Variants in USP7 observed in about 807,000 individuals in gnomAD.
The protein encoded by USP7 is ubiquitin specific peptidase 7.
A neutral mutation model predicts 162.9 loss-of-function variants in USP7; 9 were observed. The observed-to-expected ratio is 0.06, with a 90% CI of 0.03 to 0.10. The LOEUF (loss-of-function observed/expected upper bound fraction) is 0.10, where lower values mean the gene tolerates loss of function less well. Among genes scored for constraint, USP7 ranks in the 10% least tolerant of loss-of-function variants. The pLI is 1.00. For synonymous variants in USP7, 562 were observed against 475.9 expected, an observed-to-expected ratio of 1.18 and a Z score of -2.35; for missense variants, 715 against 1,373.7, an observed-to-expected ratio of 0.52 and a Z score of 7.58.
At chr16:8,902,548 C>T in intron 16 of USP7, 66 bp from the exon 17 acceptor site, 1 of 1,294,024 alleles carries the variant, frequency 7.7e-7, no homozygotes, top group Admixed American at 2.0e-5. Flanking sequence ...CTATATTACA[C>T]ACACATATGT....
chr16:8,942,442 A>G (rs1899090907), intron 1 of USP7, among the ~76,000 whole-genome samples: 1 of 152,310 alleles, frequency 6.6e-6, no homozygotes, highest in Non-Finnish European at 1.5e-5. Flanking sequence ...GGGTCTGACC[A>G]CCTGCACCTC....
chr16:8,931,464 C>T (rs1434040296), intron 1 of USP7, among the ~76,000 whole-genome samples: 6 of 152,130 alleles, frequency 3.9e-5, no homozygotes, highest in Admixed American at 1.3e-4. Flanking sequence ...TGGGATCACC[C>T]ACCCATGCCA....
chr16:8,931,396 C>A (rs144266730), intron 1 of USP7, among the ~76,000 whole-genome samples: 8 of 152,258 alleles, frequency 5.3e-5, no homozygotes, highest in African/African-American at 1.9e-4. Flanking sequence ...CCATGTCGGT[C>A]AACTGGTCTC....
intron 8 of USP7, among the ~76,000 whole-genome samples, chr16:8,916,108 A>G (rs559751294): frequency 6.6e-6 from 1 of 152,218 alleles, no homozygotes; most frequent in Non-Finnish European, 1.5e-5. Context: ...GGTCTGCTCA[A>G]TGAGAACCTC....
In USP7 at chr16:8,906,519, A is replaced by G; in HGVS notation, c.1335T>C (p.Pro445=). 6.2e-7 allele frequency: 1 copy of G among 1,613,642 alleles called. No homozygotes were observed. The highest frequency in any genetic ancestry group is 8.5e-7 in the Non-Finnish European group (1 of 1,180,036). Residue 445 remains proline (P), a synonymous_variant, in exon 13 of 31, where the codon CCT becomes CCC. Transcript: ENST00000344836. ...GGACTGCATGAAGAATATAATTTGCAGGGTCCTTAGGATCTGTTTTTTGCA... is the reference window on the plus strand; with the variant it reads ...GGACTGCATGAAGAATATAATTTGCGGGGTCCTTAGGATCTGTTTTTTGCA... ...EFLQKTDPKD[P]ANYILHAVLV... is the part of the protein sequence containing the mutation.
At chr16:8,907,359 G>C (rs974846194) in intron 12 of USP7, among the ~76,000 whole-genome samples, 1 of 152,238 alleles carries the variant, frequency 6.6e-6, no homozygotes, top group Non-Finnish European at 1.5e-5. Flanking sequence ...CCACGGTAAA[G>C]ACTGTGAATG....
chr16:8,896,979 T>A lies in USP7; in HGVS notation c.2819+20A>T. On this transcript the variant is annotated intron_variant, in intron 26 of 30. Coordinates refer to ENST00000344836, the MANE Select transcript of USP7 (RefSeq NM_003470.3). ...CCACCCCTAACTGAACGTCCACAAT[T>A]GGGCTCAAGAAATACTTGCCTAAGT... 1.3e-6 allele frequency: 2 copies of A among 1,594,532 alleles called. No homozygotes were observed. The highest frequency in any genetic ancestry group is 1.7e-6 in the Non-Finnish European group (2 of 1,162,134).
intron 1 of USP7, among the ~76,000 whole-genome samples, chr16:8,947,583 A>T (rs902898925): frequency 6.6e-6 from 1 of 152,164 alleles, no homozygotes; most frequent in African/African-American, 2.4e-5. Flanking sequence ...TCCGGCCTCA[A>T]GTGATCCACC....
In USP7 at chr16:8,916,575, A is replaced by G; in HGVS notation, c.852-19T>C. On this transcript the variant is annotated intron_variant, in intron 7 of 30. Transcript: ENST00000344836. ...TTCCCACCTTTCAAAGATAAAACAA[A>G]CAACTCCATTTAAAGCTCAACTTTC... The G allele has an allele frequency of 2.0e-6, 3 of 1,482,266 alleles. No individual in the cohort carries two copies. The highest frequency in any genetic ancestry group is 2.7e-6 in the Non-Finnish European group (3 of 1,123,364). The allele number at this position is 1,482,266 out of a possible 1,614,324, so 91.8% of individuals were successfully genotyped here. A position where few individuals can be genotyped will look rare whatever the true frequency, so the allele number is the denominator to read the frequency against.
At chr16:8,897,206 C>G (rs2061695721) in intron 25 of USP7, 107 bp from the exon 26 acceptor site, 5 of 851,188 alleles carry the variant, frequency 5.9e-6, no homozygotes, top group Non-Finnish European at 9.5e-6. Context: ...CTGTCCCCAG[C>G]TGGCCCCCAT....
At chr16:8,948,061 C>T (rs1356536823) in intron 1 of USP7, among the ~76,000 whole-genome samples, 2 of 152,222 alleles carry the variant, frequency 1.3e-5, no homozygotes, top group East Asian at 3.8e-4. Context: ...AGACTGCATG[C>T]CCTGCAGACG....
chr16:8,936,469 A>C (rs1195041370), intron 1 of USP7: 5 of 1,090,226 alleles, frequency 4.6e-6, no homozygotes, highest in Non-Finnish European at 6.1e-6. Flanking sequence ...TTACTGATAC[A>C]ATGTCTAGAT....
chr16:8,929,560 C>CCT, intron 2 of USP7: 1 of 456,024 alleles, frequency 2.2e-6, no homozygotes, highest in Non-Finnish European at 4.4e-6. Context: ...AGGACACAAC[C>CCT]CTCATGAGGA....
chr16:8,917,169 A>T lies in USP7; in HGVS notation c.721-13T>A. On this transcript the variant is annotated splice_polypyrimidine_tract_variant and intron_variant, in intron 6 of 30. Transcript: ENST00000344836. ...TCATGTACACAGCCTGAAACAATTA[A>T]GAAATAAGAATTTTTACTCTGAGAA... The T allele has an allele frequency of 1.3e-6, 2 of 1,581,248 alleles. No homozygotes were observed. The highest frequency in any genetic ancestry group is 2.4e-5 in the South Asian group (2 of 84,746).
intron 11 of USP7, among the ~76,000 whole-genome samples, chr16:8,910,265 C>G (rs1363853115): frequency 6.6e-6 from 1 of 152,214 alleles, no homozygotes; most frequent in Non-Finnish European, 1.5e-5. Flanking sequence ...GCCCACCATG[C>G]TCACTGCTCT....
At chr16:8,959,418 GA>G (rs1163135874) in intron 1 of USP7, among the ~76,000 whole-genome samples, 1 of 151,248 alleles carries the variant, frequency 6.6e-6, no homozygotes, top group Non-Finnish European at 1.5e-5. Flanking sequence ...TCATTACAGA[GA>G]AAAAATTAAT....
At position 8,938,847 on chromosome 16, in the gene USP7, T is replaced by C. The variant is rs937090640; in HGVS notation, c.80-8450A>G. 3.3e-5 allele frequency among the ~76,000 whole-genome samples: 5 copies of C among 152,142 alleles called. No homozygotes were observed. In the South Asian group the frequency reaches 6.2e-4, roughly 19 times the overall value. ...ACTGTATTAGATATTATAAGCCACGTAGAGATAATTTAAACTATATAGGAA... is the reference window on the plus strand; with the variant it reads ...ACTGTATTAGATATTATAAGCCACGCAGAGATAATTTAAACTATATAGGAA... On this transcript the variant is annotated intron_variant, in intron 1 of 30. Coordinates refer to ENST00000344836, the MANE Select transcript of USP7 (RefSeq NM_003470.3).
At chr16:8,907,123 ACAG>A (rs1567214685) in intron 12 of USP7, among the ~76,000 whole-genome samples, 1 of 152,254 alleles carries the variant, frequency 6.6e-6, no homozygotes, top group Non-Finnish European at 1.5e-5. Flanking sequence ...CACTCAGCTC[ACAG>A]CCCCTGCGGC....
intron 1 of USP7, 95 bp from the exon 2 acceptor site, chr16:8,930,492 A>G (rs750962138): frequency 5.1e-6 from 4 of 789,892 alleles, no homozygotes; most frequent in Non-Finnish European, 7.6e-6. Context: ...TTGCCTAATC[A>G]TTAATAAATT....
Sources: allele counts gnomAD v4.1 joint callset (sites outside exome capture counted in the v4.1 genomes callset), GRCh38; gene constraint gnomAD v4.1.1; transcripts MANE v1.5; gene names NCBI Gene and HGNC (gene_info 2026-07-23, HGNC 2026-07-21).